NUMB: variants seen among roughly 807,000 people sequenced by gnomAD.
The protein encoded by NUMB is protein numb homolog.
NUMB carries 29 observed loss-of-function variants against 59.7 expected under a neutral mutation model. The observed-to-expected ratio is 0.49, with a 90% CI of 0.36 to 0.66. The LOEUF is 0.66. Among genes scored for constraint, NUMB ranks in the 30% least tolerant of loss-of-function variants. NUMB has a pLI of 0.00. For missense variants in NUMB, 723 were observed against 822.0 expected (o/e 0.88, Z 1.47); for synonymous variants, 288 against 288.2 (o/e 1.00, Z 0.01).
At chr14:73,423,804 T>C (rs1897460594) in intron 1 of NUMB, among the ~76,000 whole-genome samples, 1 of 149,450 alleles carries the variant, frequency 6.7e-6, no homozygotes, top group Admixed American at 6.7e-5. Context: ...AGCAAGATTC[T>C]GTCTCAAAAA....
At chr14:73,432,600 G>A (rs1012580289) in intron 1 of NUMB, among the ~76,000 whole-genome samples, 2 of 151,734 alleles carry the variant, frequency 1.3e-5, no homozygotes, top group Non-Finnish European at 2.9e-5. Flanking sequence ...CAAATCATAC[G>A]GGCAGGATAA....
chr14:73,432,098 T>C (rs982651950), intron 1 of NUMB, among the ~76,000 whole-genome samples: 1 of 152,142 alleles, frequency 6.6e-6, no homozygotes, highest in Non-Finnish European at 1.5e-5. Flanking sequence ...TTTAATTCTA[T>C]TCATTCAATA....
Position 73,367,386 on chromosome 14 carries a change from ATT to A in NUMB, c.-100-407_-100-406del, listed in dbSNP as rs2140047235. ...AGAGAGAGAGAGAGACAAATAGGAT[ATT>A]GTTATTTATTGAGAGCAACTCCCAC... On this transcript the variant is annotated intron_variant, in intron 2 of 12. Coordinates refer to ENST00000555238, the MANE Select transcript of NUMB (RefSeq NM_001005743.2). Among the ~76,000 whole-genome samples, 3 of 119,968 alleles carry A rather than the reference ATT, an allele frequency of 2.5e-5. No individual in the cohort carries two copies. The East Asian group carries it at 6.2e-4, about 25-fold the overall frequency. 78.7% of individuals were successfully genotyped at this position (119,968 alleles called of 152,430 possible). A position where few individuals can be genotyped will look rare whatever the true frequency, so the allele number is the denominator to read the frequency against.
At chr14:73,402,713 C>T (rs1240690131) in intron 2 of NUMB, among the ~76,000 whole-genome samples, 2 of 152,212 alleles carry the variant, frequency 1.3e-5, no homozygotes, top group Non-Finnish European at 2.9e-5. Flanking sequence ...TTCCATTTTA[C>T]AGATGAGGAA....
intron 5 of NUMB, among the ~76,000 whole-genome samples, chr14:73,322,078 A>G (rs1891434113): frequency 6.6e-6 from 1 of 152,222 alleles, no homozygotes. Context: ...AAAAAAGCAC[A>G]CATTAGTAGT....
At chr14:73,433,359 T>TCAG (rs1897915710) in intron 1 of NUMB, among the ~76,000 whole-genome samples, 2 of 152,008 alleles carry the variant, frequency 1.3e-5, no homozygotes, top group Non-Finnish European at 2.9e-5. Context: ...GAGACGGAGG[T>TCAG]TGCAGTGAGC....
intron 6 of NUMB, among the ~76,000 whole-genome samples, chr14:73,307,349 G>C (rs1429053452): frequency 2.6e-5 from 4 of 151,646 alleles, no homozygotes; most frequent in Non-Finnish European, 5.9e-5. Flanking sequence ...GGGAGTGTGT[G>C]TGTGTCTGGG....
At position 73,276,680 on chromosome 14, in the gene NUMB, G is replaced by A; in HGVS notation, c.1854C>T (p.Ala618=). Residue 618 remains alanine (A), a synonymous_variant, in exon 13 of 13, where the codon GCC becomes GCT. Transcript: ENST00000555238. ...ACTTATTTTCTAATGCAGCCCACTG[G>A]GCTTCAAAAGGATCCACTGGGCAGG... ...TGTCPVDPFE[A]QWAALENKSK... 4 of 1,614,202 alleles carry A rather than the reference G, an allele frequency of 2.5e-6. No homozygotes were observed. Among genetic ancestry groups the A allele is most frequent in the Non-Finnish European group, 2.5e-6 (3 of 1,180,028 alleles).
intron 1 of NUMB, among the ~76,000 whole-genome samples, chr14:73,444,760 G>C (rs1883341885): frequency 6.6e-6 from 1 of 151,590 alleles, no homozygotes. Flanking sequence ...AGGAGGTTGA[G>C]GCAGGAGAAT....
intron 5 of NUMB, among the ~76,000 whole-genome samples, chr14:73,322,624 C>G (rs904316371): frequency 1.3e-5 from 2 of 152,098 alleles, no homozygotes. Context: ...TAATTTATAG[C>G]CCAGTTATCA....
intron 10 of NUMB, among the ~76,000 whole-genome samples, chr14:73,283,876 C>T (rs1888803354): frequency 6.6e-6 from 1 of 152,206 alleles, no homozygotes; most frequent in Non-Finnish European, 1.5e-5. Flanking sequence ...GGCTCTGCTG[C>T]CTGTTTGTTG....
chr14:73,455,817 T>G (rs1472239142), intron 1 of NUMB, among the ~76,000 whole-genome samples: 1 of 152,256 alleles, frequency 6.6e-6, no homozygotes, highest in Non-Finnish European at 1.5e-5. Context: ...TCAGTGTTGT[T>G]TACTGTCAAT....
At chr14:73,337,186 A>T (rs1319709218) in intron 4 of NUMB, among the ~76,000 whole-genome samples, 3 of 152,104 alleles carry the variant, frequency 2.0e-5, no homozygotes, top group African/African-American at 7.2e-5. Context: ...AACTTTTGCT[A>T]AAGTTCAGTT....
chr14:73,318,506 A>G (rs1310809558), intron 5 of NUMB, among the ~76,000 whole-genome samples: 2 of 152,230 alleles, frequency 1.3e-5, no homozygotes, highest in South Asian at 2.1e-4. Flanking sequence ...GACATTTAAG[A>G]AACAATGGGA....
intron 9 of NUMB, chr14:73,286,741 G>A (rs8010647): frequency 0.051 from 14,520 of 287,272 alleles, 1,137 homozygotes; most frequent in African/African-American, 0.18. Context: ...GCAGCCTTAA[G>A]CCCTGGGACC....
In NUMB at chr14:73,394,475, C is replaced by T. The variant is rs578137255; in HGVS notation, c.-101+15462G>A. On this transcript the variant is annotated intron_variant, in intron 2 of 12. Transcript: ENST00000555238. ...CCCAGGCTGAAGTGCAGTGGTGTGA[C>T]AAAGCTCACCACAGCTTTGAATTCC... Among the ~76,000 whole-genome samples, 3 of 151,054 alleles carry T rather than the reference C, an allele frequency of 2.0e-5. No individual in the cohort carries two copies. The South Asian group carries it at 6.2e-4, about 31-fold the overall frequency.
intron 3 of NUMB, among the ~76,000 whole-genome samples, chr14:73,359,009 T>C (rs1893962562): frequency 6.6e-6 from 1 of 152,234 alleles, no homozygotes; most frequent in Non-Finnish European, 1.5e-5. Flanking sequence ...AACCTCTGTC[T>C]AAATAGATCT....
chr14:73,415,479 C>T (rs1272670447), intron 1 of NUMB, among the ~76,000 whole-genome samples: 1 of 150,820 alleles, frequency 6.6e-6, no homozygotes, highest in Non-Finnish European at 1.5e-5. Flanking sequence ...ACTATTTCTC[C>T]TTACTGTCTT....
Position 73,313,668 on chromosome 14 carries a change from G to GAAAAAAA in NUMB, c.234+2715_234+2721dup, listed in dbSNP as rs10582204. Among the ~76,000 whole-genome samples the GAAAAAAA allele has an allele frequency of 1.9e-3, 232 of 124,090 alleles. 6 individuals carry two copies. Among genetic ancestry groups the GAAAAAAA allele is most frequent in the African/African-American group, 6.2e-3 (193 of 30,954 alleles). 81.4% of individuals were successfully genotyped at this position (124,090 alleles called of 152,430 possible). On this transcript the variant is annotated intron_variant, in intron 6 of 12. Coordinates refer to ENST00000555238, the MANE Select transcript of NUMB (RefSeq NM_001005743.2). ...TATATATGCAAATATTCCAAAATCT[G>GAAAAAAA]AAAAAAAAAAAAAAAAATCCAAAAT...
Sources: allele counts gnomAD v4.1 joint callset (sites outside exome capture counted in the v4.1 genomes callset), GRCh38; gene constraint gnomAD v4.1.1; transcripts MANE v1.5; gene names NCBI Gene and HGNC (gene_info 2026-07-23, HGNC 2026-07-21).